Variants in CSMD1 observed in about 807,000 individuals in gnomAD.
CSMD1 encodes the protein CUB and Sushi multiple domains 1, also known as CUB and sushi domain-containing protein 1.
In CSMD1, 213 loss-of-function variants were observed where a neutral mutation model predicts 417.5. The observed-to-expected ratio is 0.51, with a 90% CI of 0.46 to 0.57. The LOEUF is 0.57. Among genes scored for constraint, CSMD1 ranks in the 20% least tolerant of loss-of-function variants. CSMD1 has a pLI of 0.00. For synonymous variants in CSMD1, 2,862 were observed against 1,736.8 expected (o/e 1.65, Z -16.11); for missense variants, 6,923 against 4,529.7 (o/e 1.53, Z -15.17).
intron 5 of CSMD1, among the ~76,000 whole-genome samples, chr8:3,989,780 G>A (rs1379455925): frequency 6.6e-6 from 1 of 152,186 alleles, no homozygotes; most frequent in Non-Finnish European, 1.5e-5. Context: ...TCATTTAAAG[G>A]ATGTATTAAG....
At chr8:3,597,292 C>A (rs531055225) in intron 8 of CSMD1, among the ~76,000 whole-genome samples, 1 of 152,126 alleles carries the variant, frequency 6.6e-6, no homozygotes, top group Non-Finnish European at 1.5e-5. Context: ...TGGGCTGATT[C>A]TGAAGCTGAG....
At chr8:3,880,393 T>G (rs2129120222) in intron 5 of CSMD1, among the ~76,000 whole-genome samples, 1 of 152,344 alleles carries the variant, frequency 6.6e-6, no homozygotes, top group East Asian at 1.9e-4. Context: ...ATAAATGAAC[T>G]GCCTCATGAC....
At chr8:3,817,008 G>A (rs1001086042) in intron 5 of CSMD1, among the ~76,000 whole-genome samples, 2 of 152,020 alleles carry the variant, frequency 1.3e-5, no homozygotes, top group Non-Finnish European at 2.9e-5. Flanking sequence ...TTCTCATTGT[G>A]TTGTAAAGAA....
chr8:4,966,134 CAGGTGGATCACCTGAGGTAAGG>C (rs1809841351), intron 1 of CSMD1, among the ~76,000 whole-genome samples: 1 of 146,788 alleles, frequency 6.8e-6, no homozygotes, highest in Non-Finnish European at 1.5e-5. Flanking sequence ...GAGGCCGAGG[CAGGTGGATCACCTGAGGTAAGG>C]AGTTCCAGAC....
Position 3,886,023 on chromosome 8 carries a change from A to ATG in CSMD1, c.818+111879_818+111880insCA, listed in dbSNP as rs1235761750. On this transcript the variant is annotated intron_variant, in intron 5 of 69. Coordinates refer to ENST00000635120, the MANE Select transcript of CSMD1 (RefSeq NM_033225.6). ...TGTACATATATATGTGTACATATAT[A>ATG]TACATACATATATATATATACAGAC... Among the ~76,000 whole-genome samples, 8 of 151,908 alleles carry ATG rather than the reference A, an allele frequency of 5.3e-5. No individual in the cohort carries two copies. In the East Asian group the frequency reaches 7.7e-4, roughly 15 times the overall value.
chr8:3,392,231 T>C (rs1049936986), intron 17 of CSMD1, among the ~76,000 whole-genome samples: 4 of 152,008 alleles, frequency 2.6e-5, no homozygotes, highest in Non-Finnish European at 2.9e-5. Context: ...CGTTGTCACA[T>C]GTACCCTAAA....
At chr8:3,582,556 C>T (rs1022055132) in intron 9 of CSMD1, among the ~76,000 whole-genome samples, 2 of 152,112 alleles carry the variant, frequency 1.3e-5, no homozygotes, top group East Asian at 3.9e-4. Context: ...AAAATCATAA[C>T]TGTAAATGTC....
At chr8:4,061,050 C>T (rs1000073755) in intron 3 of CSMD1, among the ~76,000 whole-genome samples, 8 of 106,568 alleles carry the variant, frequency 7.5e-5, no homozygotes, top group Non-Finnish European at 1.2e-4. Flanking sequence ...TTATGATGTA[C>T]AAAATGCCAT....
chr8:3,465,456 G>C (rs183484963), intron 12 of CSMD1, among the ~76,000 whole-genome samples: 1 of 152,130 alleles, frequency 6.6e-6, no homozygotes, highest in Admixed American at 6.5e-5. Flanking sequence ...GGTCCTCCTG[G>C]TCCACGTGTC....
At chr8:3,936,382 A>G (rs1467637366) in intron 5 of CSMD1, among the ~76,000 whole-genome samples, 1 of 152,140 alleles carries the variant, frequency 6.6e-6, no homozygotes, top group Non-Finnish European at 1.5e-5. Flanking sequence ...TCATAGCTAG[A>G]GAAAAGAAGT....
intron 3 of CSMD1, among the ~76,000 whole-genome samples, chr8:4,409,583 A>C (rs1796531178): frequency 6.6e-6 from 1 of 151,952 alleles, no homozygotes; most frequent in African/African-American, 2.4e-5. Context: ...GCAGGGATGA[A>C]TTTGTTCTGT....
chr8:4,895,415 G>T (rs945964487), intron 1 of CSMD1, among the ~76,000 whole-genome samples: 1 of 152,074 alleles, frequency 6.6e-6, no homozygotes, highest in South Asian at 2.1e-4. Flanking sequence ...CCCATGCAAA[G>T]CCTGAGTAAA....
chr8:3,723,013 G>A (rs1264310215), intron 6 of CSMD1, among the ~76,000 whole-genome samples: 1 of 152,168 alleles, frequency 6.6e-6, no homozygotes, highest in Admixed American at 6.5e-5. Context: ...AAGCTCAGCT[G>A]GGCCCTCTGA....
chr8:4,263,713 C>T (rs1029069283), intron 3 of CSMD1, among the ~76,000 whole-genome samples: 2 of 152,080 alleles, frequency 1.3e-5, no homozygotes, highest in Admixed American at 1.3e-4. Flanking sequence ...ATCTTACTGG[C>T]AACAATAATA....
chr8:4,429,146 T>C (rs1196991927), intron 2 of CSMD1, among the ~76,000 whole-genome samples: 1 of 150,874 alleles, frequency 6.6e-6, no homozygotes. Flanking sequence ...GATATATAAT[T>C]GGATTATTAT....
chr8:3,521,498 G>C (rs932451940), intron 10 of CSMD1, among the ~76,000 whole-genome samples: 1 of 152,026 alleles, frequency 6.6e-6, no homozygotes, highest in African/African-American at 2.4e-5. Flanking sequence ...GGTCATGCCG[G>C]TCCCTGTATT....
intron 41 of CSMD1, among the ~76,000 whole-genome samples, chr8:3,133,694 C>T (rs1332193922): frequency 6.6e-6 from 1 of 152,108 alleles, no homozygotes; most frequent in African/African-American, 2.4e-5. Context: ...AGACAGGAGG[C>T]TGCTGGCAGG....
chr8:3,995,658 T>A (rs1165484321), intron 5 of CSMD1, among the ~76,000 whole-genome samples: 1 of 152,192 alleles, frequency 6.6e-6, no homozygotes, highest in Non-Finnish European at 1.5e-5. Flanking sequence ...AGTTTTATTT[T>A]TAAATCTACA....
chr8:4,776,835 T>C (rs1472471623), intron 1 of CSMD1, among the ~76,000 whole-genome samples: 3 of 152,180 alleles, frequency 2.0e-5, no homozygotes, highest in African/African-American at 7.2e-5. Flanking sequence ...TACTGATTTC[T>C]GATTCTGGAG....
Sources: gnomAD v4.1 joint callset for allele counts (sites outside exome capture counted in the v4.1 genomes callset) on GRCh38, gnomAD v4.1.1 for gene constraint, MANE v1.5 for transcripts, NCBI Gene and HGNC (gene_info 2026-07-23, HGNC 2026-07-21) for gene names.